Variants in CDK14 observed in about 807,000 individuals in gnomAD.
The protein encoded by CDK14 is cyclin dependent kinase 14, also known as cyclin-dependent kinase 14.
A neutral mutation model predicts 60.7 loss-of-function variants in CDK14; 34 were observed. That is an observed-to-expected ratio of 0.56 (90% CI 0.43 to 0.75). The LOEUF is 0.75. Among genes scored for constraint, CDK14 ranks in the 30% least tolerant of loss-of-function variants. The pLI is 0.00. For synonymous variants in CDK14, 197 were observed against 203.7 expected (o/e 0.97, Z 0.28); for missense variants, 482 against 564.1 (o/e 0.85, Z 1.47).
At chr7:90,931,917 A>C (rs1287601869) in intron 8 of CDK14, among the ~76,000 whole-genome samples, 1 of 152,218 alleles carries the variant, frequency 6.6e-6, no homozygotes, top group East Asian at 1.9e-4. Flanking sequence ...CTGTTGATTC[A>C]AACACATGAA....
intron 2 of CDK14, among the ~76,000 whole-genome samples, chr7:90,611,792 TC>T: frequency 6.6e-6 from 1 of 152,144 alleles, no homozygotes; most frequent in Admixed American, 6.6e-5. Context: ...TCTATCTCTT[TC>T]GTACCTTTTG....
intron 5 of CDK14, among the ~76,000 whole-genome samples, chr7:90,808,353 T>C (rs1389180254): frequency 1.3e-5 from 2 of 152,156 alleles, no homozygotes; most frequent in Non-Finnish European, 2.9e-5. Flanking sequence ...GAGTTTCATA[T>C]CCAGACAAAC....
intron 10 of CDK14, among the ~76,000 whole-genome samples, chr7:91,022,647 A>T (rs1196039238): frequency 6.6e-6 from 1 of 152,178 alleles, no homozygotes; most frequent in Non-Finnish European, 1.5e-5. Flanking sequence ...GCTACAGGAG[A>T]TCTCCAGAGA....
intron 10 of CDK14, among the ~76,000 whole-genome samples, chr7:91,044,277 T>A (rs1014742308): frequency 1.3e-5 from 2 of 152,164 alleles, no homozygotes; most frequent in African/African-American, 4.8e-5. Context: ...ATTCAAGGAT[T>A]TTCTGATTGG....
At chr7:90,908,293 T>C (rs1453150923) in intron 7 of CDK14, among the ~76,000 whole-genome samples, 1 of 152,150 alleles carries the variant, frequency 6.6e-6, no homozygotes, top group Admixed American at 6.6e-5. Flanking sequence ...TTTAGTTGTT[T>C]AGAACATGTC....
intron 5 of CDK14, among the ~76,000 whole-genome samples, chr7:90,814,106 A>T (rs2117053727): frequency 6.6e-6 from 1 of 152,322 alleles, no homozygotes; most frequent in South Asian, 2.1e-4. Flanking sequence ...AACTTCTGTA[A>T]CTGATACCTC....
intron 2 of CDK14, among the ~76,000 whole-genome samples, chr7:90,711,863 A>G (rs1802071329): frequency 7.0e-6 from 1 of 142,504 alleles, no homozygotes; most frequent in Non-Finnish European, 1.5e-5. Flanking sequence ...CCTGGTTCTT[A>G]TGGAACTTAT....
At chr7:91,103,184 C>T (rs1230328934) in intron 12 of CDK14, among the ~76,000 whole-genome samples, 1 of 151,960 alleles carries the variant, frequency 6.6e-6, no homozygotes, top group Admixed American at 6.6e-5. Flanking sequence ...ACCCAGTAGG[C>T]AGAGGCTGCA....
At chr7:90,834,446 G>C (rs1790023145) in intron 5 of CDK14, among the ~76,000 whole-genome samples, 2 of 152,166 alleles carry the variant, frequency 1.3e-5, no homozygotes, top group South Asian at 4.1e-4. Flanking sequence ...AGATAAAGTA[G>C]GGCCTTGTGT....
At chr7:91,189,548 T>G (rs963405688) in intron 14 of CDK14, among the ~76,000 whole-genome samples, 30 of 152,240 alleles carry the variant, frequency 2.0e-4, no homozygotes, top group African/African-American at 7.2e-4. Context: ...ACTCAGATTC[T>G]AATTATATGA....
intron 12 of CDK14, among the ~76,000 whole-genome samples, chr7:91,105,259 C>T (rs973724936): frequency 1.3e-5 from 2 of 152,204 alleles, no homozygotes; most frequent in Admixed American, 6.5e-5. Flanking sequence ...ACAAGGCCTT[C>T]GGCCTGAAGA....
rs183157841 is a variant in CDK14 at position 90,618,777 on chromosome 7, T to G, written c.123+14528T>G. ...CAAGTATTTACATTGTTTGATGTACTTTATCTTTCCTTTTTACCATCAGTT... is the reference window on the plus strand; with the variant it reads ...CAAGTATTTACATTGTTTGATGTACGTTATCTTTCCTTTTTACCATCAGTT... On this transcript the variant is annotated intron_variant, in intron 2 of 14. Transcript: ENST00000380050. 2.6e-4 allele frequency among the ~76,000 whole-genome samples: 40 copies of G among 152,342 alleles called. 1 individual carries two copies. In the East Asian group the frequency reaches 6.5e-3, roughly 25 times the overall value.
chr7:91,080,616 CAT>C (rs1232816384), intron 12 of CDK14, among the ~76,000 whole-genome samples: 1 of 152,162 alleles, frequency 6.6e-6, no homozygotes, highest in African/African-American at 2.4e-5. Context: ...ACTGGTCTAA[CAT>C]ATTTTAATTA....
intron 11 of CDK14, among the ~76,000 whole-genome samples, chr7:91,052,796 A>G (rs1323247431): frequency 6.6e-6 from 1 of 152,244 alleles, no homozygotes; most frequent in African/African-American, 2.4e-5. Flanking sequence ...AAGTTAGCCA[A>G]TGGAAAAGAC....
chr7:90,859,354 C>T (rs1048786748), intron 5 of CDK14, among the ~76,000 whole-genome samples: 3 of 152,170 alleles, frequency 2.0e-5, no homozygotes, highest in East Asian at 1.9e-4. Flanking sequence ...TCTGATAACA[C>T]GAGTTCACCT....
rs193144467 is a variant in CDK14 at position 90,836,536 on chromosome 7, C to A, written c.545-26639C>A. Among the ~76,000 whole-genome samples, 78 of 152,182 alleles carry A rather than the reference C, an allele frequency of 5.1e-4. 1 individual carries two copies. The highest frequency in any genetic ancestry group is 6.8e-3 in the Middle Eastern group (2 of 294). ...GCTGTCATCTCCTATTATAACAAGGCCTTCTTCTAGAATACCTCCCGAAGA... is the reference window on the plus strand; with the variant it reads ...GCTGTCATCTCCTATTATAACAAGGACTTCTTCTAGAATACCTCCCGAAGA... On this transcript the variant is annotated intron_variant, in intron 5 of 14. Coordinates refer to ENST00000380050, the MANE Select transcript of CDK14 (RefSeq NM_001287135.2).
intron 7 of CDK14, among the ~76,000 whole-genome samples, chr7:90,907,930 T>G (rs534131917): frequency 1.2e-4 from 18 of 152,258 alleles, no homozygotes; most frequent in Non-Finnish European, 2.4e-4. Context: ...GACACCTGAC[T>G]TTCTCCATAT....
intron 9 of CDK14, among the ~76,000 whole-genome samples, chr7:90,960,848 T>C (rs1418804225): frequency 6.6e-6 from 1 of 152,090 alleles, no homozygotes; most frequent in Admixed American, 6.6e-5. Flanking sequence ...ACTTTGAAAA[T>C]AAATTTGTTC....
At chr7:90,685,916 C>A (rs2116573072) in intron 2 of CDK14, among the ~76,000 whole-genome samples, 1 of 151,976 alleles carries the variant, frequency 6.6e-6, no homozygotes, top group South Asian at 2.1e-4. Flanking sequence ...ATATTTATTA[C>A]CTGCTGCTTC....
Sources: gnomAD v4.1 joint callset for allele counts (sites outside exome capture counted in the v4.1 genomes callset) on GRCh38, gnomAD v4.1.1 for gene constraint, MANE v1.5 for transcripts, NCBI Gene and HGNC (gene_info 2026-07-23, HGNC 2026-07-21) for gene names.